Variants in CNTN4 observed in about 807,000 individuals in gnomAD.
CNTN4 encodes contactin-4.
In CNTN4, 77 loss-of-function variants were observed where a neutral mutation model predicts 122.5. The observed-to-expected ratio is 0.63, with a 90% CI of 0.52 to 0.76. The LOEUF (loss-of-function observed/expected upper bound fraction) is 0.76. Ranked by LOEUF, CNTN4 falls within the 30% of genes least tolerant of loss-of-function variation. The pLI is 0.00. For missense variants in CNTN4, 1,256 were observed against 1,259.1 expected (o/e 1.00, Z 0.04); for synonymous variants, 512 against 447.0 (o/e 1.15, Z -1.83).
chr3:2,106,502 G>A (rs1411942136), intron 2 of CNTN4, among the ~76,000 whole-genome samples: 1 of 152,208 alleles, frequency 6.6e-6, no homozygotes, highest in African/African-American at 2.4e-5. Context: ...CAAGGCTTGG[G>A]GCTTACACCT....
intron 2 of CNTN4, among the ~76,000 whole-genome samples, chr3:2,228,259 C>T (rs1021801979): frequency 4.5e-4 from 69 of 151,854 alleles, no homozygotes; most frequent in African/African-American, 1.5e-3. Context: ...TTGCCCCCAA[C>T]CTAAATGTGG....
intron 4 of CNTN4, among the ~76,000 whole-genome samples, chr3:2,687,388 C>A (rs1431308493): frequency 1.4e-5 from 1 of 73,236 alleles, no homozygotes; most frequent in Non-Finnish European, 2.9e-5. Flanking sequence ...AGGCCAAGCA[C>A]TGTGGCTCGT....
chr3:2,163,874 G>T (rs1044155386), intron 2 of CNTN4, among the ~76,000 whole-genome samples: 1 of 152,136 alleles, frequency 6.6e-6, no homozygotes, highest in Non-Finnish European at 1.5e-5. Flanking sequence ...TGGTGAAAAG[G>T]TAACACTTTT....
chr3:2,369,254 C>T (rs1365279649), intron 3 of CNTN4, among the ~76,000 whole-genome samples: 7 of 152,134 alleles, frequency 4.6e-5, no homozygotes, highest in Non-Finnish European at 1.0e-4. Flanking sequence ...GTTATAAGAC[C>T]TAGGCATTGT....
At chr3:2,612,295 T>C (rs2081533609) in intron 4 of CNTN4, among the ~76,000 whole-genome samples, 1 of 152,110 alleles carries the variant, frequency 6.6e-6, no homozygotes, top group Admixed American at 6.6e-5. Flanking sequence ...ATGAGATCAC[T>C]TACCTAGCCT....
chr3:2,481,697 G>A (rs976510917), intron 3 of CNTN4, among the ~76,000 whole-genome samples: 2 of 152,118 alleles, frequency 1.3e-5, no homozygotes, highest in Non-Finnish European at 2.9e-5. Context: ...CCTATGTGTT[G>A]TGGGGGGGAC....
chr3:2,163,830 A>G (rs1236645143), intron 2 of CNTN4, among the ~76,000 whole-genome samples: 1 of 152,218 alleles, frequency 6.6e-6, no homozygotes, highest in Non-Finnish European at 1.5e-5. Flanking sequence ...ACTGTTATTA[A>G]AAAGTCAAAA....
intron 14 of CNTN4, among the ~76,000 whole-genome samples, chr3:3,002,568 A>G (rs961526663): frequency 2.0e-5 from 3 of 152,194 alleles, no homozygotes; most frequent in Non-Finnish European, 4.4e-5. Flanking sequence ...ATTGCAGTCT[A>G]ATGCAAAGAA....
intron 2 of CNTN4, among the ~76,000 whole-genome samples, chr3:2,162,112 G>A (rs1447665502): frequency 6.6e-6 from 1 of 152,094 alleles, no homozygotes; most frequent in Non-Finnish European, 1.5e-5. Context: ...GTGTAGGTGT[G>A]AATGATAATA....
chr3:2,440,476 T>C (rs1208753295), intron 3 of CNTN4, among the ~76,000 whole-genome samples: 1 of 152,186 alleles, frequency 6.6e-6, no homozygotes, highest in African/African-American at 2.4e-5. Flanking sequence ...AATTTGTGAA[T>C]TGCTCATAAT....
intron 14 of CNTN4, among the ~76,000 whole-genome samples, chr3:2,998,480 A>G (rs929226193): frequency 1.3e-5 from 2 of 152,146 alleles, no homozygotes; most frequent in African/African-American, 2.4e-5. Context: ...CCTACACTCA[A>G]CAAAGCCTGC....
At chr3:2,796,556 T>C (rs948768618) in intron 6 of CNTN4, among the ~76,000 whole-genome samples, 1 of 152,184 alleles carries the variant, frequency 6.6e-6, no homozygotes, top group Non-Finnish European at 1.5e-5. Context: ...ACAAGCTAAA[T>C]ATACTCCCAA....
chr3:2,303,726 T>G (rs2042606080), intron 2 of CNTN4, among the ~76,000 whole-genome samples: 1 of 152,204 alleles, frequency 6.6e-6, no homozygotes, highest in Non-Finnish European at 1.5e-5. Context: ...TCAGCGCTGC[T>G]AGTTCTCTTT....
At chr3:2,830,737 T>C (rs1643995269) in intron 7 of CNTN4, among the ~76,000 whole-genome samples, 1 of 151,004 alleles carries the variant, frequency 6.6e-6, no homozygotes, top group Non-Finnish European at 1.5e-5. Flanking sequence ...TTTTAATGCC[T>C]GCTGGAAATA....
In CNTN4 at chr3:2,886,212, A is replaced by G. The variant is rs942262494; in HGVS notation, c.756-828A>G. The stretch of plus-strand genomic sequence containing the variant: ...ATTTTTTATTTAGAAAAAAACATGT[A>G]TGGGTGAAACCTTGTCTCTACTAAA... On this transcript the variant is annotated intron_variant, in intron 9 of 24. Coordinates refer to ENST00000418658, the MANE Select transcript of CNTN4 (RefSeq NM_175607.3). 2.6e-5 allele frequency among the ~76,000 whole-genome samples: 4 copies of G among 151,164 alleles called. No homozygotes were observed. In the East Asian group the frequency reaches 7.9e-4, roughly 30 times the overall value.
At chr3:2,926,789 A>G (rs2094477181) in intron 13 of CNTN4, among the ~76,000 whole-genome samples, 1 of 152,224 alleles carries the variant, frequency 6.6e-6, no homozygotes, top group African/African-American at 2.4e-5. Flanking sequence ...ACTTTTTTTA[A>G]CACTTGCTAT....
chr3:2,702,616 T>C (rs1181527993), intron 4 of CNTN4, among the ~76,000 whole-genome samples: 1 of 152,202 alleles, frequency 6.6e-6, no homozygotes, highest in East Asian at 1.9e-4. Context: ...GGATAGCATT[T>C]ACCCCCAGGC....
chr3:3,042,173 T>C, intron 20 of CNTN4, 137 bp from the exon 21 acceptor site: 1 of 715,320 alleles, frequency 1.4e-6, no homozygotes, highest in Non-Finnish European at 2.5e-6. Flanking sequence ...ACTGCCCCTC[T>C]GCAAAATGAG....
intron 14 of CNTN4, among the ~76,000 whole-genome samples, chr3:3,001,836 T>C (rs762936766): frequency 3.9e-5 from 6 of 152,204 alleles, no homozygotes; most frequent in Non-Finnish European, 7.3e-5. Flanking sequence ...TTTATAATGC[T>C]GTACATGATT....
Sources: gnomAD v4.1 joint callset for allele counts (sites outside exome capture counted in the v4.1 genomes callset) on GRCh38, gnomAD v4.1.1 for gene constraint, MANE v1.5 for transcripts, NCBI Gene and HGNC (gene_info 2026-07-23, HGNC 2026-07-21) for gene names.